The following KCNN3 variants were observed in gnomAD, a reference collection of about 807,000 sequenced individuals.
KCNN3 encodes small conductance calcium-activated potassium channel protein 3.
In KCNN3, 16 loss-of-function variants were observed where a neutral mutation model predicts 62.9. That is an observed-to-expected ratio of 0.25 (90% CI 0.17 to 0.39). The LOEUF is 0.39. KCNN3 is among the 10% of genes least tolerant of loss of function. The probability of loss-of-function intolerance (pLI) is 1.00; values close to 1 mark genes in which losing one functional copy is unlikely to be tolerated. For synonymous variants in KCNN3, 370 were observed against 389.2 expected (o/e 0.95, Z 0.58); for missense variants, 599 against 949.4 (o/e 0.63, Z 4.85).
chr1:154,746,482 G>A (rs1216664073), intron 3 of KCNN3, among the ~76,000 whole-genome samples: 1 of 152,170 alleles, frequency 6.6e-6, no homozygotes, highest in Non-Finnish European at 1.5e-5. Flanking sequence ...CACAGGCACA[G>A]CTGGCCTGCA....
intron 2 of KCNN3, among the ~76,000 whole-genome samples, chr1:154,820,425 T>C (rs1650843370): frequency 6.6e-6 from 1 of 152,198 alleles, no homozygotes. Flanking sequence ...GTTTTATGGT[T>C]CTGCCTTTTT....
chr1:154,736,824 G>T (rs1700721106), intron 3 of KCNN3, among the ~76,000 whole-genome samples: 1 of 152,006 alleles, frequency 6.6e-6, no homozygotes, highest in Non-Finnish European at 1.5e-5. Context: ...TGTTCTTGTG[G>T]GTTTCTTTTT....
chr1:154,866,153 G>C (rs1023229068), intron 1 of KCNN3, among the ~76,000 whole-genome samples: 1 of 152,094 alleles, frequency 6.6e-6, no homozygotes, highest in Admixed American at 6.5e-5. Flanking sequence ...CATGCTTAAA[G>C]GTGGTCTCTA....
Position 154,869,485 on chromosome 1 carries a change from G to A in KCNN3, c.480C>T (p.Pro160=), listed in dbSNP as rs780406060. 1.9e-6 allele frequency: 3 copies of A among 1,614,132 alleles called. 1 individual carries two copies. Among genetic ancestry groups the A allele is most frequent in the South Asian group, 2.2e-5 (2 of 91,068 alleles). The change falls in exon 1 of 8, where the codon CCC becomes CCT. Residue 160 remains proline (P), a synonymous_variant. Coordinates refer to ENST00000271915, the MANE Select transcript of KCNN3 (RefSeq NM_002249.6). This position sits in a 1 kb window ranked among gnomAD's most constrained non-coding sequence, Gnocchi z 6.1. ...GGTTGCTGTCCCGCCGGTGCACCAGGGGGCTGGCCTGTCGGTGCCGGCTGC... is the reference window on the plus strand; with the variant it reads ...GGTTGCTGTCCCGCCGGTGCACCAGAGGGCTGGCCTGTCGGTGCCGGCTGC... The part of the protein sequence containing the change: ...GGGSRHRQAS[P]LVHRRDSNPF...
chr1:154,702,348 CTG>C lies in KCNN3; in HGVS notation c.*5626_*5627del, dbSNP rs1185467312. 1 of 151,672 alleles carries C rather than the reference CTG, an allele frequency of 6.6e-6. No homozygotes were observed. Among genetic ancestry groups the C allele is most frequent in the African/African-American group, 2.4e-5 (1 of 41,314 alleles). The allele number at this position is 151,672 out of a possible 1,614,324, so 9.4% of individuals were successfully genotyped here. A position where few individuals can be genotyped will look rare whatever the true frequency, so the allele number is the denominator to read the frequency against. ...CAATATATTTCATATTTAAAATAAA[CTG>C]TTATGCTTTCTCCTATCATTAAAAA... On this transcript the variant is annotated 3_prime_UTR_variant, in exon 8 of 8. Coordinates refer to ENST00000271915, the MANE Select transcript of KCNN3 (RefSeq NM_002249.6).
rs1387182845 is a variant in KCNN3 at position 154,702,810 on chromosome 1, G to A, written c.*5166C>T. 1 of 145,792 alleles carries A rather than the reference G, an allele frequency of 6.9e-6. No individual in the cohort carries two copies. The highest frequency in any genetic ancestry group is 2.5e-5 in the African/African-American group (1 of 39,700). 9.0% of individuals were successfully genotyped at this position (145,792 alleles called of 1,614,324 possible). On this transcript the variant is annotated 3_prime_UTR_variant, in exon 8 of 8. Transcript: ENST00000271915. ...TTTGGGATCCTAACTGCAGGTTGGA[G>A]TTGAATTTTGTGCTTTTCCTCCACC...
intron 1 of KCNN3, among the ~76,000 whole-genome samples, chr1:154,851,410 C>A (rs959909900): frequency 4.6e-5 from 7 of 152,182 alleles, no homozygotes; most frequent in Non-Finnish European, 7.4e-5. Context: ...TCTTACAACC[C>A]CTGGGGCAGG....
At chr1:154,831,247 A>C (rs1651367284) in intron 1 of KCNN3, among the ~76,000 whole-genome samples, 1 of 152,306 alleles carries the variant, frequency 6.6e-6, no homozygotes, top group African/African-American at 2.4e-5. Context: ...TGGGTAAATG[A>C]ATATGGAACG....
At chr1:154,751,598 C>A (rs931017330) in intron 3 of KCNN3, among the ~76,000 whole-genome samples, 3 of 152,128 alleles carry the variant, frequency 2.0e-5, no homozygotes, top group Non-Finnish European at 2.9e-5. Context: ...AGAGGGCGTG[C>A]CAGTGCCAAG....
chr1:154,808,604 C>T (rs1650275998), intron 2 of KCNN3, among the ~76,000 whole-genome samples: 1 of 152,236 alleles, frequency 6.6e-6, no homozygotes, highest in African/African-American at 2.4e-5. Context: ...TGGCTCAGAA[C>T]AGCCCTTCAA....
At chr1:154,863,387 G>A (rs1652837048) in intron 1 of KCNN3, among the ~76,000 whole-genome samples, 1 of 152,186 alleles carries the variant, frequency 6.6e-6, no homozygotes, top group African/African-American at 2.4e-5. Flanking sequence ...TTGCTTTCTT[G>A]CTCTCCTTTT....
rs112743722 is a variant in KCNN3 at position 154,742,046 on chromosome 1, C to T, written c.1449-8902G>A. ...CACTGCCCTCCTCTGGCATCTGCAG[C>T]GGCTCACTGGCCTGCTTTCCTCCCG... is the stretch of plus-strand genomic sequence containing the variant. On this transcript the variant is annotated intron_variant, in intron 3 of 7. Coordinates refer to ENST00000271915, the MANE Select transcript of KCNN3 (RefSeq NM_002249.6). Among the ~76,000 whole-genome samples, 127 of 152,374 alleles carry T rather than the reference C, an allele frequency of 8.3e-4. 1 individual carries two copies. The highest frequency in any genetic ancestry group is 2.7e-3 in the African/African-American group (113 of 41,588).
At chr1:154,818,390 G>A (rs564528627) in intron 2 of KCNN3, among the ~76,000 whole-genome samples, 12 of 152,198 alleles carry the variant, frequency 7.9e-5, no homozygotes, top group Non-Finnish European at 1.5e-4. Flanking sequence ...TCCCAGGGGG[G>A]CCAGCAGCTC....
chr1:154,708,295 G>A lies in KCNN3; in HGVS notation c.1900-23C>T, dbSNP rs367803385. Reference sequence around the variant, plus strand: ...CATCTGTGTGGAGAGAGAGAGGCGAGAGACAGGGAGATGACAGGTCATCAC... The same window carrying A: ...CATCTGTGTGGAGAGAGAGAGGCGAAAGACAGGGAGATGACAGGTCATCAC... On this transcript the variant is annotated intron_variant, in intron 7 of 7. Transcript: ENST00000271915. The A allele has an allele frequency of 7.5e-6, 12 of 1,610,698 alleles. No individual in the cohort carries two copies. The African/African-American group carries it at 8.0e-5, about 11-fold the overall frequency.
At chr1:154,805,364 C>CTAAGAAAT (rs1056878094) in intron 2 of KCNN3, among the ~76,000 whole-genome samples, 2 of 152,192 alleles carry the variant, frequency 1.3e-5, no homozygotes, top group African/African-American at 4.8e-5. Context: ...AATGCCTCCC[C>CTAAGAAAT]TGAGCAATTG....
Position 154,726,163 on chromosome 1 carries a change from C to G in KCNN3, c.1591-137G>C, listed in dbSNP as rs974925940. 1.3e-4 allele frequency: 83 copies of G among 645,240 alleles called. No homozygotes were observed. In the African/African-American group the frequency reaches 1.3e-3, roughly 10 times the overall value. 40.0% of individuals were successfully genotyped at this position (645,240 alleles called of 1,614,324 possible). A position where few individuals can be genotyped will look rare whatever the true frequency, so the allele number is the denominator to read the frequency against. On this transcript the variant is annotated intron_variant, in intron 4 of 7. Transcript: ENST00000271915. ...GGAACTTGAGCTCTCTGGCTGGTCA[C>G]GACCAAGCCACAAAAATCTGTTGAA...
At chr1:154,797,197 T>G (rs1464607878) in intron 2 of KCNN3, among the ~76,000 whole-genome samples, 2 of 152,218 alleles carry the variant, frequency 1.3e-5, no homozygotes, top group Non-Finnish European at 1.5e-5. Context: ...TGGGGTCCCT[T>G]AATGCTCATA....
intron 1 of KCNN3, among the ~76,000 whole-genome samples, chr1:154,855,402 C>G (rs1652480184): frequency 6.6e-6 from 1 of 152,178 alleles, no homozygotes; most frequent in Non-Finnish European, 1.5e-5. Flanking sequence ...ACTGACTCAC[C>G]CACAGCAACC....
chr1:154,763,127 T>C (rs1648098344), intron 3 of KCNN3, among the ~76,000 whole-genome samples: 1 of 152,242 alleles, frequency 6.6e-6, no homozygotes, highest in Admixed American at 6.5e-5. Context: ...TATTCTCACT[T>C]ATTTATTAAA....
Sources: allele counts gnomAD v4.1 joint callset (sites outside exome capture counted in the v4.1 genomes callset), GRCh38; gene constraint gnomAD v4.1.1; non-coding constraint Gnocchi (gnomAD v3.1); transcripts MANE v1.5; gene names NCBI Gene and HGNC (gene_info 2026-07-23, HGNC 2026-07-21).